The following KANK1 variants were observed in gnomAD, a reference collection of about 807,000 sequenced individuals.
The protein encoded by KANK1 is KN motif and ankyrin repeat domain-containing protein 1.
KANK1 carries 109 observed loss-of-function variants against 106.2 expected under a neutral mutation model. That is an observed-to-expected ratio of 1.03 (90% CI 0.88 to 1.20). The LOEUF (loss-of-function observed/expected upper bound fraction) is 1.20. Among genes scored for constraint, KANK1 ranks in the 50% most tolerant of loss-of-function variants. The pLI, the probability that KANK1 is intolerant of heterozygous loss-of-function variation, is 0.00. For missense variants in KANK1, 2,399 were observed against 1,710.7 expected, an observed-to-expected ratio of 1.40 and a Z score of -7.10; for synonymous variants, 873 against 652.2, an observed-to-expected ratio of 1.34 and a Z score of -5.16.
intron 1 of KANK1, among the ~76,000 whole-genome samples, chr9:651,583 C>T (rs1352420512): frequency 6.6e-6 from 1 of 152,224 alleles, no homozygotes; most frequent in Non-Finnish European, 1.5e-5. Flanking sequence ...TTGGCTCCAA[C>T]TCTGTTCCAT....
chr9:740,651 C>T, intron 8 of KANK1, 141 bp from the exon 9 acceptor site: 1 of 920,716 alleles, frequency 1.1e-6, no homozygotes, highest in Admixed American at 2.9e-5. Context: ...CTCACATTTC[C>T]TTCTAAGTCA....
chr9:497,549 C>T (rs2058477140), intron 3 of KANK1, among the ~76,000 whole-genome samples: 1 of 150,358 alleles, frequency 6.7e-6, no homozygotes, highest in African/African-American at 2.5e-5. Context: ...TTTCAAAAAA[C>T]CCTTAATTAT....
At chr9:523,804 C>A (rs1334092831) in intron 1 of KANK1, among the ~76,000 whole-genome samples, 1 of 138,092 alleles carries the variant, frequency 7.2e-6, no homozygotes, top group East Asian at 2.0e-4. Flanking sequence ...CTCTCTTAAT[C>A]CGCTTGGCCT....
intron 1 of KANK1, among the ~76,000 whole-genome samples, chr9:512,754 T>C (rs1041401101): frequency 3.3e-5 from 5 of 152,286 alleles, no homozygotes; most frequent in African/African-American, 1.2e-4. Flanking sequence ...GTATAAAATA[T>C]ACTGCCAGTC....
At chr9:484,801 C>T (rs1468758844) in intron 3 of KANK1, among the ~76,000 whole-genome samples, 1 of 152,146 alleles carries the variant, frequency 6.6e-6, no homozygotes. Context: ...GGGCAGCACC[C>T]AGGCAGAGAG....
At chr9:727,146 G>C (rs1006153966) in intron 3 of KANK1, among the ~76,000 whole-genome samples, 1 of 152,122 alleles carries the variant, frequency 6.6e-6, no homozygotes, top group African/African-American at 2.4e-5. Flanking sequence ...CTTACAAGCA[G>C]ACTGTCTGCC....
chr9:655,252 T>A (rs1841872690), intron 1 of KANK1, among the ~76,000 whole-genome samples: 1 of 151,668 alleles, frequency 6.6e-6, no homozygotes, highest in Admixed American at 6.6e-5. Flanking sequence ...ACGCTTGTAA[T>A]CCCAGCTACT....
intron 1 of KANK1, among the ~76,000 whole-genome samples, chr9:530,578 T>C (rs911762757): frequency 6.6e-6 from 1 of 152,224 alleles, no homozygotes; most frequent in Non-Finnish European, 1.5e-5. Context: ...GAGCTATTCA[T>C]GTTTTAGTTG....
At chr9:681,585 T>G (rs1817563811) in intron 2 of KANK1, among the ~76,000 whole-genome samples, 1 of 152,136 alleles carries the variant, frequency 6.6e-6, no homozygotes, top group South Asian at 2.1e-4. Flanking sequence ...AAGGTGGTTG[T>G]GCAGGGAAAA....
chr9:642,081 G>T (rs1282647353), intron 1 of KANK1, among the ~76,000 whole-genome samples: 6 of 152,170 alleles, frequency 3.9e-5, no homozygotes, highest in Non-Finnish European at 8.8e-5. Context: ...CTGGAGATAG[G>T]ATGCCCATAG....
intron 1 of KANK1, among the ~76,000 whole-genome samples, chr9:546,968 G>T (rs1430940757): frequency 2.0e-5 from 3 of 152,150 alleles, no homozygotes; most frequent in Admixed American, 1.3e-4. Flanking sequence ...CACCAGATAG[G>T]GTTGCAGCAG....
At chr9:591,224 C>T (rs539600703) in intron 1 of KANK1, among the ~76,000 whole-genome samples, 1 of 151,632 alleles carries the variant, frequency 6.6e-6, no homozygotes, top group Middle Eastern at 3.4e-3. Context: ...TTGATAATTT[C>T]TTTGAATTTT....
intron 1 of KANK1, among the ~76,000 whole-genome samples, chr9:571,212 C>T (rs1239033789): frequency 1.3e-5 from 2 of 152,124 alleles, no homozygotes; most frequent in Admixed American, 6.5e-5. Context: ...CATATGTCTT[C>T]TCTGCAAGAA....
intron 1 of KANK1, among the ~76,000 whole-genome samples, chr9:648,526 A>G (rs1588559113): frequency 6.6e-6 from 1 of 152,174 alleles, no homozygotes; most frequent in African/African-American, 2.4e-5. Flanking sequence ...ATAATTTTGA[A>G]CATTGGGTAT....
At chr9:608,341 A>G (rs985943827) in intron 1 of KANK1, among the ~76,000 whole-genome samples, 2 of 151,870 alleles carry the variant, frequency 1.3e-5, no homozygotes, top group Admixed American at 1.3e-4. Context: ...AATTATAACA[A>G]TAAGTTTCAT....
chr9:710,747 G>A, intron 2 of KANK1, 57 bp from the exon 3 acceptor site: 1 of 1,469,074 alleles, frequency 6.8e-7, no homozygotes, highest in South Asian at 1.4e-5. Flanking sequence ...ACAAATATTA[G>A]TTTTTACCAT....
At chr9:706,983 G>T (rs1236467125) in intron 2 of KANK1, 1 of 985,514 alleles carries the variant, frequency 1.0e-6, no homozygotes, top group Non-Finnish European at 1.2e-6. Context: ...ATTTTCAGAA[G>T]ATACCGGTTT....
intron 1 of KANK1, among the ~76,000 whole-genome samples, chr9:517,934 C>G (rs763619457): frequency 1.3e-5 from 2 of 151,312 alleles, no homozygotes; most frequent in African/African-American, 4.9e-5. Flanking sequence ...GATGGAGTTT[C>G]ACATTATTGG....
intron 3 of KANK1, among the ~76,000 whole-genome samples, chr9:721,637 T>G (rs1320703119): frequency 6.6e-6 from 1 of 152,176 alleles, no homozygotes; most frequent in Admixed American, 6.5e-5. Flanking sequence ...TTGGATAAGG[T>G]CATCTGCTGA....
Sources: allele counts gnomAD v4.1 joint callset (sites outside exome capture counted in the v4.1 genomes callset), GRCh38; gene constraint gnomAD v4.1.1; transcripts MANE v1.5; gene names NCBI Gene and HGNC (gene_info 2026-07-23, HGNC 2026-07-21).